Variants in ANO7 observed in about 807,000 individuals in gnomAD.
ANO7 encodes the protein anoctamin-7.
In ANO7, 114 loss-of-function variants were observed where a neutral mutation model predicts 115.8. That is an observed-to-expected ratio of 0.98 (90% CI 0.85 to 1.15). ANO7 has a LOEUF of 1.15. Ranked by LOEUF, ANO7 falls within the 50% of genes most tolerant of loss-of-function variation. The probability of loss-of-function intolerance (pLI) is 0.00; values close to 1 mark genes in which losing one functional copy is unlikely to be tolerated. For missense variants in ANO7, 1,302 were observed against 1,201.2 expected, an observed-to-expected ratio of 1.08 and a Z score of -1.24; for synonymous variants, 550 against 498.2, an observed-to-expected ratio of 1.10 and a Z score of -1.38.
chr2:241,233,771 A>T, the ANO7 span: 1 of 1,609,602 alleles, frequency 6.2e-7, no homozygotes, highest in South Asian at 1.1e-5. The surrounding 1 kb of genome is among the most constrained non-coding windows in gnomAD (Gnocchi z 4.3). Flanking sequence ...GTCACAGGAA[A>T]GGTCAACAAG....
At chr2:241,217,097 T>C (rs1000844044) in intron 19 of ANO7, among the ~76,000 whole-genome samples, 3 of 152,190 alleles carry the variant, frequency 2.0e-5, no homozygotes, top group South Asian at 4.1e-4. Context: ...CCTCCCAAAG[T>C]GCTGGGGATT....
chr2:241,199,835 T>C (rs1402349503), intron 5 of ANO7, among the ~76,000 whole-genome samples: 2 of 152,164 alleles, frequency 1.3e-5, no homozygotes, highest in African/African-American at 4.8e-5. Flanking sequence ...GGAGACACGC[T>C]ACTTACCAGT....
chr2:241,234,981 C>A, the ANO7 span: 1 of 953,840 alleles, frequency 1.0e-6, no homozygotes, highest in Non-Finnish European at 1.6e-6. Flanking sequence ...ATGCTGACTG[C>A]GTCCTGGCAC....
At chr2:241,231,412 C>T in the ANO7 span, 1 of 153,170 alleles carries the variant, frequency 6.5e-6, no homozygotes, top group African/African-American at 2.4e-5. Flanking sequence ...AAAAAACACC[C>T]CACAAAAAAC....
downstream of ANO7, among the ~76,000 whole-genome samples, chr2:241,230,453 G>T (rs545541554): frequency 5.2e-5 from 8 of 152,386 alleles, no homozygotes; most frequent in East Asian, 1.2e-3. The surrounding 1 kb of genome is among the most constrained non-coding windows in gnomAD (Gnocchi z 5.0). Context: ...GGAGCACCTT[G>T]TTCCCAGCAG....
At chr2:241,236,353 C>T in the ANO7 span, 14 of 516,774 alleles carry the variant, frequency 2.7e-5, no homozygotes, top group African/African-American at 5.7e-5. Context: ...CCGCACCCAC[C>T]GTGGGCCTGA....
rs193252571 is a variant in ANO7, at chr2:241,217,625, G to T, written c.1973-61G>T. The T allele has an allele frequency of 2.6e-3, 3,901 of 1,516,044 alleles. 13 individuals are homozygous for T. Among genetic ancestry groups the T allele is most frequent in the Non-Finnish European group, 3.1e-3 (3,443 of 1,126,934 alleles). The allele number at this position is 1,516,044 out of a possible 1,614,324, so 93.9% of individuals were successfully genotyped here. On this transcript the variant is annotated intron_variant, in intron 19 of 24. Transcript: ENST00000674324. ...GACTGGCCGGTCCTCCGCGGGGGGC[G>T]CGTTCCGAGGGCTGAGGGCGGACGG... is the stretch of plus-strand genomic sequence containing the variant.
chr2:241,236,946 C>A, the ANO7 span, among the ~76,000 whole-genome samples: 1 of 148,732 alleles, frequency 6.7e-6, no homozygotes, highest in Non-Finnish European at 1.5e-5. Context: ...AGGACGTCCC[C>A]ACAGCAGCCT....
Position 241,217,825 on chromosome 2 carries a change from C to T in ANO7, c.2112C>T (p.Arg704=), listed in dbSNP as rs760423431. The change falls in exon 20 of 25, where the codon CGC becomes CGT. Residue 704 remains arginine (R), a synonymous_variant. Transcript: ENST00000674324. ...VCEYRRPVAE[R]AQDIGIWFHI... ...AGTACCGGCGCCCGGTGGCCGAGCG[C>T]GCCCAGGACATCGGCATCTGGTTCC... 6 of 1,609,630 alleles carry T rather than the reference C, an allele frequency of 3.7e-6. No homozygotes were observed. Among genetic ancestry groups the T allele is most frequent in the East Asian group, 4.5e-5 (2 of 44,786 alleles).
chr2:241,215,900 C>T (rs1056608597), intron 18 of ANO7, among the ~76,000 whole-genome samples, 193 bp from the exon 19 acceptor site: 1 of 152,232 alleles, frequency 6.6e-6, no homozygotes, highest in Non-Finnish European at 1.5e-5. Context: ...GACACAGACG[C>T]TTTCACTGAG....
chr2:241,230,286 A>T (rs756220319), downstream of ANO7: 1 of 1,470,768 alleles, frequency 6.8e-7, no homozygotes, highest in Non-Finnish European at 9.4e-7. The surrounding 1 kb of genome is among the most constrained non-coding windows in gnomAD (Gnocchi z 5.0). Context: ...GGGGTGTACA[A>T]CGTCAGATGA....
At chr2:241,191,968 G>T (rs2068216605) in intron 3 of ANO7, among the ~76,000 whole-genome samples, 1 of 152,226 alleles carries the variant, frequency 6.6e-6, no homozygotes, top group African/African-American at 2.4e-5. Flanking sequence ...GCCCCGGGGA[G>T]ATATCTGTAC....
chr2:241,231,055 G>C, the ANO7 span: 18 of 890,892 alleles, frequency 2.0e-5, no homozygotes, highest in Non-Finnish European at 2.8e-5. Flanking sequence ...AAGATGGAAA[G>C]CAACGTCACG....
In ANO7 at chr2:241,203,150, C is replaced by A. The variant is rs1262058833; in HGVS notation, c.724-183C>A. Among the ~76,000 whole-genome samples the A allele has an allele frequency of 6.6e-6, 1 of 152,164 alleles. No individual in the cohort carries two copies. The highest frequency in any genetic ancestry group is 1.9e-4 in the East Asian group (1 of 5,186). ...GGCCTCACCACATATGTCCCCTCCTCAGAGAGGTCCTCCCGGACCACCCTG... is the reference window on the plus strand; with the variant it reads ...GGCCTCACCACATATGTCCCCTCCTAAGAGAGGTCCTCCCGGACCACCCTG... On this transcript the variant is annotated intron_variant, in intron 8 of 24. Transcript: ENST00000674324. The surrounding 1 kb of genome is among the most constrained non-coding windows in gnomAD (Gnocchi z 4.8).
At chr2:241,230,456 C>T (rs1445570707), downstream of ANO7, among the ~76,000 whole-genome samples, 1 of 152,260 alleles carries the variant, frequency 6.6e-6, no homozygotes, top group East Asian at 1.9e-4. This position sits in a 1 kb window ranked among gnomAD's most constrained non-coding sequence, Gnocchi z 5.0. Context: ...GCACCTTGTT[C>T]CCAGCAGACA....
chr2:241,239,994 A>G, the ANO7 span: 1 of 1,614,190 alleles, frequency 6.2e-7, no homozygotes, highest in Non-Finnish European at 8.5e-7. This position sits in a 1 kb window ranked among gnomAD's most constrained non-coding sequence, Gnocchi z 4.6. Context: ...CCTTGTCCTC[A>G]GCCGCAGGGA....
chr2:241,216,342 T>C, intron 19 of ANO7, 104 bp downstream of exon 19: 1 of 1,355,156 alleles, frequency 7.4e-7, no homozygotes, highest in Non-Finnish European at 9.8e-7. Context: ...TGTCTGCATC[T>C]GCCCTGAAAT....
Position 241,224,379 on chromosome 2 carries a change from T to C in ANO7, c.*226T>C. 1 of 572,176 alleles carries C rather than the reference T, an allele frequency of 1.7e-6. No homozygotes were observed. Among genetic ancestry groups the C allele is most frequent in the South Asian group, 2.1e-5 (1 of 47,756 alleles). The allele number at this position is 572,176 out of a possible 1,614,324, so 35.4% of individuals were successfully genotyped here. On this transcript the variant is annotated 3_prime_UTR_variant, in exon 25 of 25. Coordinates refer to ENST00000674324, the MANE Select transcript of ANO7 (RefSeq NM_001370694.2). Reference sequence around the variant, plus strand: ...GGACCGTCAGCTCACAAGGCCCTCTTTGTTTCCTGCTCCCAGACATAAGCC... The same window carrying C: ...GGACCGTCAGCTCACAAGGCCCTCTCTGTTTCCTGCTCCCAGACATAAGCC...
At chr2:241,215,319 G>A (rs961836721) in intron 18 of ANO7, among the ~76,000 whole-genome samples, 5 of 152,234 alleles carry the variant, frequency 3.3e-5, no homozygotes, top group East Asian at 1.9e-4. Context: ...TCAGACACAC[G>A]TCTGCCTCAG....
Sources: allele counts gnomAD v4.1 joint callset (sites outside exome capture counted in the v4.1 genomes callset), GRCh38; gene constraint gnomAD v4.1.1; non-coding constraint Gnocchi (gnomAD v3.1); transcripts MANE v1.5; gene names NCBI Gene and HGNC (gene_info 2026-07-23, HGNC 2026-07-21).